ACTMAP: variants seen among roughly 807,000 people sequenced by gnomAD.
ACTMAP encodes UPF0692 protein C19orf54.
chr19:40,748,712 G>C, the ACTMAP span, among the ~76,000 whole-genome samples: 1 of 152,146 alleles, frequency 6.6e-6, no homozygotes, highest in South Asian at 2.1e-4. Flanking sequence ...CACTTCCCCC[G>C]GCAAGTTAAG....
At chr19:40,747,135 G>C in the ACTMAP span, among the ~76,000 whole-genome samples, 1 of 152,064 alleles carries the variant, frequency 6.6e-6, no homozygotes, top group African/African-American at 2.4e-5. Context: ...TCCAAGGCTG[G>C]TAAGAAGGCA....
At chr19:40,749,808 G>C in the ACTMAP span, 15 of 1,448,136 alleles carry the variant, frequency 1.0e-5, no homozygotes, top group Non-Finnish European at 1.4e-5. Context: ...AGTCATTTTG[G>C]GGTCTACAGG....
chr19:40,742,378 A>G, the ACTMAP span: 968 of 1,397,370 alleles, frequency 6.9e-4, 2 homozygotes, highest in African/African-American at 0.011. Flanking sequence ...GGAGAAGTGT[A>G]GGCACACTTC....
the ACTMAP span, chr19:40,742,454 T>C: frequency 2.0e-6 from 3 of 1,466,616 alleles, no homozygotes; most frequent in African/African-American, 1.4e-5. Flanking sequence ...AGTCCTGTGG[T>C]GTGAGGAGCA....
the ACTMAP span, chr19:40,744,596 C>T: frequency 1.7e-5 from 27 of 1,613,698 alleles, no homozygotes; most frequent in South Asian, 6.6e-5. Context: ...AGCCTCTTTC[C>T]GTGGCCACCC....
chr19:40,741,579 A>G, the ACTMAP span: 4 of 380,990 alleles, frequency 1.0e-5, no homozygotes, highest in Non-Finnish European at 2.1e-5. Context: ...GTAATCACAC[A>G]CACTCACTAG....
chr19:40,747,526 G>A, the ACTMAP span, among the ~76,000 whole-genome samples: 1 of 151,406 alleles, frequency 6.6e-6, no homozygotes, highest in East Asian at 1.9e-4. Flanking sequence ...CAATAAGAGC[G>A]AAACTCCATC....
chr19:40,742,467 G>C, the ACTMAP span: 1 of 1,473,646 alleles, frequency 6.8e-7, no homozygotes, highest in Non-Finnish European at 9.0e-7. Flanking sequence ...GAGGAGCAGG[G>C]CCTGGCCACA....
the ACTMAP span, chr19:40,744,749 G>T: frequency 4.6e-6 from 7 of 1,526,142 alleles, no homozygotes; most frequent in African/African-American, 9.7e-5. Context: ...AGCTGGAGTT[G>T]GGGAACAGGT....
chr19:40,743,524 C>T, the ACTMAP span, among the ~76,000 whole-genome samples: 6 of 152,132 alleles, frequency 3.9e-5, no homozygotes, highest in African/African-American at 7.2e-5. Context: ...TGAGCCACCG[C>T]GCCTGGCCAA....
chr19:40,749,748 G>A, the ACTMAP span: 1 of 1,489,464 alleles, frequency 6.7e-7, no homozygotes, highest in East Asian at 2.5e-5. Context: ...TTGGGGTACA[G>A]GGGTTTTTGG....
the ACTMAP span, among the ~76,000 whole-genome samples, chr19:40,748,412 A>C: frequency 2.0e-5 from 3 of 152,060 alleles, no homozygotes; most frequent in African/African-American, 7.2e-5. Context: ...TGGAGTTTCA[A>C]TGTGAGTCCT....
chr19:40,743,541 T>C, the ACTMAP span, among the ~76,000 whole-genome samples: 3 of 152,080 alleles, frequency 2.0e-5, no homozygotes, highest in Non-Finnish European at 4.4e-5. Flanking sequence ...CCAAGCCTTG[T>C]TCTAAGAGTG....
At chr19:40,742,492 C>T in the ACTMAP span, 15 of 1,507,390 alleles carry the variant, frequency 1.0e-5, no homozygotes, top group Non-Finnish European at 9.8e-6. Context: ...CCAGCCCGTA[C>T]CCCACCCACG....
the ACTMAP span, among the ~76,000 whole-genome samples, chr19:40,746,477 G>A: frequency 1.3e-5 from 2 of 152,104 alleles, no homozygotes; most frequent in East Asian, 1.9e-4. Context: ...CCGGGTTCAC[G>A]CCATTCTCCT....
At chr19:40,744,126 G>A in the ACTMAP span, 26 of 1,612,846 alleles carry the variant, frequency 1.6e-5, no homozygotes, top group Admixed American at 5.0e-5. Flanking sequence ...TGTTGGGACC[G>A]CCCAGGCCAC....
the ACTMAP span, chr19:40,742,501 C>G: frequency 1.3e-6 from 2 of 1,517,288 alleles, no homozygotes; most frequent in Non-Finnish European, 1.8e-6. Flanking sequence ...ACCCCACCCA[C>G]GGGCACCACG....
chr19:40,747,666 G>C, the ACTMAP span, among the ~76,000 whole-genome samples: 2 of 152,020 alleles, frequency 1.3e-5, no homozygotes, highest in South Asian at 2.1e-4. Context: ...ACCCAGCCTG[G>C]GCAACACAGC....
chr19:40,748,966 C>A, the ACTMAP span, among the ~76,000 whole-genome samples: 1 of 150,498 alleles, frequency 6.6e-6, no homozygotes, highest in East Asian at 1.9e-4. Flanking sequence ...GTCTCTCTCA[C>A]TAGACTGGGC....
Sources: allele counts gnomAD v4.1 joint callset (sites outside exome capture counted in the v4.1 genomes callset), GRCh38; gene constraint gnomAD v4.1.1; transcripts MANE v1.5; gene names NCBI Gene and HGNC (gene_info 2026-07-23, HGNC 2026-07-21).